The following DGKB variants were observed in gnomAD, a reference collection of about 807,000 sequenced individuals.
DGKB encodes 90 kDa diacylglycerol kinase.
A neutral mutation model predicts 114.3 loss-of-function variants in DGKB; 67 were observed. That is an observed-to-expected ratio of 0.59 (90% confidence interval 0.48 to 0.72). The LOEUF is 0.72. DGKB is among the 30% of genes least tolerant of loss of function. The pLI is 0.00. For missense variants in DGKB, 907 were observed against 975.2 expected (o/e 0.93, Z 0.93); for synonymous variants, 398 against 323.1 (o/e 1.23, Z -2.49).
At chr7:14,228,525 TACAC>T (rs944956216) in intron 23 of DGKB, among the ~76,000 whole-genome samples, 3 of 151,890 alleles carry the variant, frequency 2.0e-5, no homozygotes, top group South Asian at 4.1e-4. Context: ...CTGTTTATAG[TACAC>T]ACACACTCGC....
intron 1 of DGKB, among the ~76,000 whole-genome samples, chr7:14,925,549 T>C (rs1784702957): frequency 6.6e-6 from 1 of 152,152 alleles, no homozygotes; most frequent in Non-Finnish European, 1.5e-5. Context: ...GTATGTCTTA[T>C]TTAGGTCTTC....
At chr7:14,307,269 C>A (rs1481896106) in intron 23 of DGKB, among the ~76,000 whole-genome samples, 3 of 144,824 alleles carry the variant, frequency 2.1e-5, no homozygotes, top group Non-Finnish European at 4.6e-5. Flanking sequence ...ATTTCTAAAA[C>A]AAAAGAATTT....
At chr7:14,630,193 G>A (rs376471809) in intron 14 of DGKB, 43 bp downstream of exon 14, 705 of 1,401,170 alleles carry the variant, frequency 5.0e-4, no homozygotes, top group Non-Finnish European at 6.1e-4. Flanking sequence ...GATGTATAAT[G>A]ACCTATAATT....
chr7:14,824,070 C>G (rs552942010), intron 2 of DGKB, among the ~76,000 whole-genome samples: 1 of 152,134 alleles, frequency 6.6e-6, no homozygotes, highest in East Asian at 1.9e-4. Context: ...TAGGGGAACT[C>G]CCCTTTATAA....
intron 25 of DGKB, among the ~76,000 whole-genome samples, chr7:14,157,648 T>G (rs1341828999): frequency 1.3e-5 from 2 of 152,210 alleles, no homozygotes; most frequent in Non-Finnish European, 2.9e-5. Flanking sequence ...GAAATCTCTT[T>G]TAACATATAA....
chr7:14,735,355 A>T lies in DGKB; in HGVS notation c.322+686T>A, dbSNP rs933366787. On this transcript the variant is annotated intron_variant, in intron 5 of 25. Transcript: ENST00000402815. ...GGGCTTCTAGGTGGTGATTACTGCC[A>T]TCTAAGGGCAGCACATGTTTCCTTG... Among the ~76,000 whole-genome samples the T allele has an allele frequency of 3.3e-5, 5 of 152,222 alleles. 1 individual carries two copies. The highest frequency in any genetic ancestry group is 4.4e-5 in the Non-Finnish European group (3 of 68,044).
At chr7:14,469,525 C>A (rs898101158) in intron 21 of DGKB, among the ~76,000 whole-genome samples, 2 of 152,014 alleles carry the variant, frequency 1.3e-5, no homozygotes, top group Non-Finnish European at 2.9e-5. Flanking sequence ...CTCACTCACT[C>A]TATTCCAAAG....
intron 2 of DGKB, among the ~76,000 whole-genome samples, chr7:14,810,091 A>C (rs1304317152): frequency 6.6e-6 from 1 of 152,124 alleles, no homozygotes; most frequent in African/African-American, 2.4e-5. Flanking sequence ...TTTCCTGGAG[A>C]CTTGAAAGAA....
chr7:14,648,328 TCCCTGAC>T (rs1164626816), intron 13 of DGKB, among the ~76,000 whole-genome samples: 1 of 152,066 alleles, frequency 6.6e-6, no homozygotes, highest in Non-Finnish European at 1.5e-5. Context: ...CTCAAGTGGG[TCCCTGAC>T]CCCTGACCCC....
At chr7:14,742,981 T>C (rs1236736599) in intron 4 of DGKB, among the ~76,000 whole-genome samples, 1 of 152,190 alleles carries the variant, frequency 6.6e-6, no homozygotes, top group Non-Finnish European at 1.5e-5. Flanking sequence ...TGTATGAACA[T>C]TGACTAAACT....
intron 21 of DGKB, among the ~76,000 whole-genome samples, chr7:14,416,448 T>C (rs1214230731): frequency 6.6e-6 from 1 of 152,092 alleles, no homozygotes; most frequent in Non-Finnish European, 1.5e-5. Context: ...ATGACCAAAA[T>C]CTTACCTTTG....
chr7:14,508,812 G>T (rs57571258), intron 20 of DGKB, among the ~76,000 whole-genome samples: 2 of 152,066 alleles, frequency 1.3e-5, no homozygotes. Flanking sequence ...CTTGACCCCA[G>T]ATCTAGTGTT....
intron 2 of DGKB, among the ~76,000 whole-genome samples, chr7:14,780,784 A>G (rs1458187778): frequency 1.3e-5 from 2 of 152,214 alleles, no homozygotes; most frequent in African/African-American, 4.8e-5. Flanking sequence ...ATTCACCCAT[A>G]TAAGTTGCCT....
chr7:14,558,643 TTCTTGGTA>T (rs1177914592), intron 20 of DGKB, among the ~76,000 whole-genome samples: 2 of 152,186 alleles, frequency 1.3e-5, no homozygotes, highest in Non-Finnish European at 2.9e-5. Context: ...AGATGTAAAT[TTCTTGGTA>T]TCTTTTGAAA....
At chr7:14,204,847 T>G (rs1431130475) in intron 23 of DGKB, among the ~76,000 whole-genome samples, 1 of 152,036 alleles carries the variant, frequency 6.6e-6, no homozygotes, top group Non-Finnish European at 1.5e-5. Context: ...TACTATAAAT[T>G]GTTGGTAGTT....
At chr7:14,180,463 A>T (rs1457420674) in intron 23 of DGKB, among the ~76,000 whole-genome samples, 2 of 152,308 alleles carry the variant, frequency 1.3e-5, no homozygotes, top group African/African-American at 4.8e-5. Context: ...ATCAGTAATG[A>T]AGATATTTCT....
chr7:14,150,218 C>T (rs902949172), intron 25 of DGKB, among the ~76,000 whole-genome samples: 3 of 152,064 alleles, frequency 2.0e-5, no homozygotes, highest in Non-Finnish European at 2.9e-5. Context: ...CAAGAACCAT[C>T]GCTTATTAAA....
intron 20 of DGKB, among the ~76,000 whole-genome samples, chr7:14,503,898 G>A (rs905875800): frequency 6.6e-6 from 1 of 152,162 alleles, no homozygotes; most frequent in African/African-American, 2.4e-5. Context: ...TAGAAAGGAG[G>A]GGACAGATGG....
chr7:14,695,740 C>T (rs1156535859), intron 8 of DGKB, among the ~76,000 whole-genome samples: 1 of 151,832 alleles, frequency 6.6e-6, no homozygotes, highest in Non-Finnish European at 1.5e-5. Flanking sequence ...ATCTCCTGAC[C>T]TCATGATCCA....
Sources: allele counts gnomAD v4.1 joint callset (sites outside exome capture counted in the v4.1 genomes callset), GRCh38; gene constraint gnomAD v4.1.1; transcripts MANE v1.5; gene names NCBI Gene and HGNC (gene_info 2026-07-23, HGNC 2026-07-21).